PEG3: variants seen among roughly 807,000 people sequenced by gnomAD.
PEG3 encodes paternally-expressed gene 3 protein.
In PEG3, 23 loss-of-function variants were observed where a neutral mutation model predicts 35.5. The ratio of observed to expected loss-of-function variants is 0.65; its 90% CI spans 0.47 to 0.92. The LOEUF is 0.92. PEG3 is among the 40% of genes least tolerant of loss of function. PEG3 has a pLI of 0.00. For missense variants in PEG3, 1,960 were observed against 1,985.3 expected, an observed-to-expected ratio of 0.99 and a Z score of 0.24; for synonymous variants, 707 against 697.0, an observed-to-expected ratio of 1.01 and a Z score of -0.23.
rs577085492 is a variant in PEG3, at chr19:56,817,249, G to A, written c.1193C>T (p.Thr398Ile). 1.2e-5 allele frequency: 19 copies of A among 1,614,012 alleles called. No homozygotes were observed. The East Asian group carries it at 4.0e-4, about 34-fold the overall frequency. ...LERKRRYHFD[T>I]DGKGSIHDQK... ...ATCGTGAATCGAGCCCTTCCCATCTGTGTCAAAATGATAGCGCCTCTTTCT... is the reference window on the plus strand; with the variant it reads ...ATCGTGAATCGAGCCCTTCCCATCTATGTCAAAATGATAGCGCCTCTTTCT... Residue 398 changes from threonine to isoleucine, a missense_variant, in exon 10 of 10, where the codon ACA (threonine) becomes ATA (isoleucine). Thr to Ile is a moderately conservative substitution (Grantham distance 89, BLOSUM62 -1). Around this residue, in one of 5 missense-constraint regions of PEG3, gnomAD observed 613 missense variants for 577.1 expected, o/e 1.06. Transcript: ENST00000326441.
At position 56,824,513 on chromosome 19, in the gene PEG3, C is replaced by T. The variant is rs2146364342; in HGVS notation, c.143G>A (p.Arg48Lys). ...TTCCACATAGATTAGGTTCCGAAACCTCTGATGAAAAAACTCAGAGTCAGT... is the reference window on the plus strand; with the variant it reads ...TTCCACATAGATTAGGTTCCGAAACTTCTGATGAAAAAACTCAGAGTCAGT... ...GPTDSEFFHQ[R>K]FRNLIYVEFV... The change falls in exon 4 of 10, where the codon AGG (arginine) becomes AAG (lysine). Residue 48 changes from arginine (R) to lysine (K), a missense_variant. Physicochemically the swap from Arg to Lys is conservative, Grantham distance 26. Transcript: ENST00000326441. 6.2e-7 allele frequency: 1 copy of T among 1,614,070 alleles called. No homozygotes were observed. Among genetic ancestry groups the T allele is most frequent in the East Asian group, 2.2e-5 (1 of 44,872 alleles).
chr19:56,833,988 G>A (rs1457341372), intron 2 of PEG3, among the ~76,000 whole-genome samples: 3 of 152,234 alleles, frequency 2.0e-5, no homozygotes, highest in African/African-American at 7.2e-5. Context: ...GTCCATCCTT[G>A]AGAGATTTCC....
Position 56,824,751 on chromosome 19 carries a change from G to C in PEG3, c.-86-10C>G, listed in dbSNP as rs548648877. On this transcript the variant is annotated splice_polypyrimidine_tract_variant and intron_variant, in intron 3 of 9. Coordinates refer to ENST00000326441, the MANE Select transcript of PEG3 (RefSeq NM_006210.3). The stretch of plus-strand genomic sequence containing the variant: ...GTCAGTACTCAGGGACCTGTGGATC[G>C]TAAGGAGATATACACATGTCCCAGA... 4.2e-6 allele frequency: 5 copies of C among 1,198,554 alleles called. No individual in the cohort carries two copies. The Admixed American group carries it at 1.1e-4, about 28-fold the overall frequency. 74.2% of individuals were successfully genotyped at this position (1,198,554 alleles called of 1,614,324 possible).
chr19:56,810,873 A>AT lies in PEG3; in HGVS notation c.*2801dup, dbSNP rs2059491220. The stretch of plus-strand genomic sequence containing the variant: ...TTTCTAATTTTTCCTCTGGGTATGT[A>AT]TTATGCACACCAATGGAGACACACA... On this transcript the variant is annotated 3_prime_UTR_variant, in exon 10 of 10. Transcript: ENST00000326441. 1.0e-6 allele frequency: 1 copy of AT among 966,598 alleles called. No homozygotes were observed. The highest frequency in any genetic ancestry group is 1.8e-5 in the African/African-American group (1 of 56,818). The allele number at this position is 966,598 out of a possible 1,614,324, so 59.9% of individuals were successfully genotyped here.
In PEG3 at chr19:56,813,747, T is replaced by C; in HGVS notation, c.4695A>G (p.Lys1565=). The C allele has an allele frequency of 6.2e-7, 1 of 1,614,126 alleles. No individual in the cohort carries two copies. Among genetic ancestry groups the C allele is most frequent in the Non-Finnish European group, 8.5e-7 (1 of 1,180,030 alleles). Residue 1565 remains lysine (K), a synonymous_variant, in exon 10 of 10, where the codon AAA becomes AAG. Transcript: ENST00000326441. The part of the protein sequence containing the change: ...GANQADEKYF[K]CDVCGQLFND... ...TGAAGAGCTGCCCACAGACGTCACA[T>C]TTGAAGTACTTCTCATCAGCTTGAT...
At position 56,814,570 on chromosome 19, in the gene PEG3, A is replaced by G. The variant is rs771452861; in HGVS notation, c.3872T>C (p.Phe1291Ser). The G allele has an allele frequency of 1.9e-6, 3 of 1,613,888 alleles. No individual in the cohort carries two copies. The highest frequency in any genetic ancestry group is 2.2e-5 in the South Asian group (2 of 91,044). ...LFECAVCGES[F>S]VNPAELADHV... ...ATCTGCAAGTTCTGCTGGGTTGACG[A>G]AAGATTCTCCACAGACTGCACATTC... The change falls in exon 10 of 10, where the codon TTC (phenylalanine) becomes TCC (serine). Residue 1291 changes from phenylalanine (F) to serine (S), a missense_variant. By Grantham distance (155) the Phe-to-Ser change is radical. Transcript: ENST00000326441. This position sits in a 1 kb window ranked among gnomAD's most constrained non-coding sequence, Gnocchi z 5.8.
chr19:56,813,421 T>C lies in PEG3; in HGVS notation c.*254A>G, dbSNP rs1338954815. 30 of 1,292,616 alleles carry C rather than the reference T, an allele frequency of 2.3e-5. No homozygotes were observed. The East Asian group carries it at 8.9e-4, about 38-fold the overall frequency. 80.1% of individuals were successfully genotyped at this position (1,292,616 alleles called of 1,614,324 possible). ...GAATACTCATAGGGTTTTCTCAATC[T>C]GATTACTTGGAAAGGTAAGATGTGT... On this transcript the variant is annotated 3_prime_UTR_variant, in exon 10 of 10. Coordinates refer to ENST00000326441, the MANE Select transcript of PEG3 (RefSeq NM_006210.3).
Position 56,815,541 on chromosome 19 carries a change from C to G in PEG3, c.2901G>C (p.Met967Ile), listed in dbSNP as rs776907523. The change falls in exon 10 of 10, where the codon ATG becomes ATC. Residue 967 changes from methionine (M) to isoleucine (I), a missense_variant. By Grantham distance (10) the Met-to-Ile change is conservative (BLOSUM62 1). This residue lies in a region of PEG3 where 798 missense variants were observed against 782.4 expected (regional missense o/e 1.02). Transcript: ENST00000326441. ...CCCCACACTCCTGACATTCATAGAGCATCCCTCGAGGGCGAAATGTTTGTT... is the reference window on the plus strand; with the variant it reads ...CCCCACACTCCTGACATTCATAGAGGATCCCTCGAGGGCGAAATGTTTGTT... ...FGEQTFRPRGMLYECQECGEC... is the reference protein window; with the variant it reads ...FGEQTFRPRGILYECQECGEC... The G allele has an allele frequency of 1.2e-6, 2 of 1,614,036 alleles. No homozygotes were observed. The highest frequency in any genetic ancestry group is 1.7e-6 in the Non-Finnish European group (2 of 1,179,942).
chr19:56,822,171 T>A (rs2060559535), intron 6 of PEG3, among the ~76,000 whole-genome samples: 1 of 152,220 alleles, frequency 6.6e-6, no homozygotes, highest in Non-Finnish European at 1.5e-5. Flanking sequence ...CGTCACTAAA[T>A]GTCACTCACT....
rs1262859231 is a variant in PEG3, at chr19:56,816,771, A to G, written c.1671T>C (p.Tyr557=). The change falls in exon 10 of 10, where the codon TAT becomes TAC. Residue 557 remains tyrosine, a synonymous_variant. Coordinates refer to ENST00000326441, the MANE Select transcript of PEG3 (RefSeq NM_006210.3). The part of the protein sequence containing the change: ...SPTFSELQKI[Y]GKDKFYECRV... ...TGCACTCGTAGAATTTGTCTTTGCC[A>G]TATATTTTCTGAAGCTCACTAAAGG... 1 of 1,614,130 alleles carries G rather than the reference A, an allele frequency of 6.2e-7. No homozygotes were observed. Among genetic ancestry groups the G allele is most frequent in the African/African-American group, 1.3e-5 (1 of 75,038 alleles).
rs2060036085 is a variant in PEG3, at chr19:56,816,952, T to C, written c.1490A>G (p.Lys497Arg). The C allele has an allele frequency of 6.2e-7, 1 of 1,614,060 alleles. No individual in the cohort carries two copies. Among genetic ancestry groups the C allele is most frequent in the African/African-American group, 1.3e-5 (1 of 74,922 alleles). Residue 497 changes from lysine (K) to arginine (R), a missense_variant, in exon 10 of 10, where the codon AAA (lysine) becomes AGA (arginine). Around this residue, in one of 5 missense-constraint regions of PEG3, gnomAD observed 798 missense variants for 782.4 expected, o/e 1.02. Transcript: ENST00000326441. ...IHSVAVSEVQ[K>R]SQVGGKRFEC... ...AAAACGTTTCCCTCCAACCTGACTT[T>C]TCTGAACTTCACTGACAGCCACACT...
At chr19:56,825,067 T>A in intron 3 of PEG3, 1 of 166,844 alleles carries the variant, frequency 6.0e-6, no homozygotes, top group Non-Finnish European at 1.3e-5. Flanking sequence ...ATTGTGAAGC[T>A]TAAATAAACT....
chr19:56,840,019 G>A (rs939452897), intron 1 of PEG3, among the ~76,000 whole-genome samples: 1 of 152,160 alleles, frequency 6.6e-6, no homozygotes, highest in Non-Finnish European at 1.5e-5. Context: ...CCACCACTGC[G>A]GCAAACAAGC....
rs2059948994 is a variant in PEG3 at position 56,816,055 on chromosome 19, G to A, written c.2387C>T (p.Pro796Leu). 2 of 1,599,386 alleles carry A rather than the reference G, an allele frequency of 1.3e-6. No homozygotes were observed. The highest frequency in any genetic ancestry group is 2.2e-5 in the East Asian group (1 of 44,744). Residue 796 changes from proline (P) to leucine (L), a missense_variant, in exon 10 of 10, where the codon CCC becomes CTC. By Grantham distance (98) the Pro-to-Leu change is moderately conservative (BLOSUM62 -3). This residue lies in a region of PEG3 where 798 missense variants were observed against 782.4 expected (regional missense o/e 1.02). Transcript: ENST00000326441. Reference sequence around the variant, plus strand: ...CTCTGCCATTACTTTTGGTTTACTGGGCCCTGCTACACTGTGACTTTTCTG... The same window carrying A: ...CTCTGCCATTACTTTTGGTTTACTGAGCCCTGCTACACTGTGACTTTTCTG... ...EAQKSHSVAG[P>L]SKPKVMAEST...
chr19:56,821,592 G>A (rs2060491476), intron 7 of PEG3, 59 bp downstream of exon 7: 4 of 1,595,486 alleles, frequency 2.5e-6, no homozygotes, highest in South Asian at 2.2e-5. Context: ...GGGAAAGAAA[G>A]GCGTCTCTGC....
intron 2 of PEG3, among the ~76,000 whole-genome samples, chr19:56,834,780 C>A (rs1428187677): frequency 1.3e-5 from 2 of 152,174 alleles, no homozygotes; most frequent in African/African-American, 2.4e-5. Context: ...CAGTATTCCA[C>A]CACCACCATA....
rs1229973512 is a variant in PEG3, at chr19:56,812,809, T to A, written c.*866A>T. The A allele has an allele frequency of 3.2e-5, 30 of 929,992 alleles. No homozygotes were observed. The African/African-American group carries it at 6.4e-4, about 20-fold the overall frequency. The allele number at this position is 929,992 out of a possible 1,614,324, so 57.6% of individuals were successfully genotyped here. A position where few individuals can be genotyped will look rare whatever the true frequency, so the allele number is the denominator to read the frequency against. ...CAATTCACTATCATCAAACACATAT[T>A]GAGTTGGTTAAAAAAAAAAAAAACC... is the stretch of plus-strand genomic sequence containing the variant. On this transcript the variant is annotated 3_prime_UTR_variant, in exon 10 of 10. Coordinates refer to ENST00000326441, the MANE Select transcript of PEG3 (RefSeq NM_006210.3).
chr19:56,811,549 T>C lies in PEG3; in HGVS notation c.*2126A>G. 1.0e-6 allele frequency: 1 copy of C among 985,244 alleles called. No homozygotes were observed. The highest frequency in any genetic ancestry group is 1.1e-4 in the East Asian group (1 of 8,794). The allele number at this position is 985,244 out of a possible 1,614,324, so 61.0% of individuals were successfully genotyped here. A position where few individuals can be genotyped will look rare whatever the true frequency, so the allele number is the denominator to read the frequency against. On this transcript the variant is annotated 3_prime_UTR_variant, in exon 10 of 10. Transcript: ENST00000326441. The stretch of plus-strand genomic sequence containing the variant: ...TTACTACCTTTTCACTAGCTGAAGG[T>C]TGGAACGGACACCCTGACTTACAGC...
chr19:56,825,926 C>T (rs947821856), intron 3 of PEG3, among the ~76,000 whole-genome samples: 9 of 152,148 alleles, frequency 5.9e-5, no homozygotes, highest in Admixed American at 2.6e-4. Context: ...CATGTTTACT[C>T]GTCTCAGTGA....
Sources: gnomAD v4.1 joint callset for allele counts (sites outside exome capture counted in the v4.1 genomes callset) on GRCh38, gnomAD v4.1.1 for gene constraint, gnomAD v4.1.1 regional missense constraint, Gnocchi (gnomAD v3.1) non-coding constraint, MANE v1.5 for transcripts, NCBI Gene and HGNC (gene_info 2026-07-23, HGNC 2026-07-21) for gene names.